DNAJC25: variants seen among roughly 807,000 people sequenced by gnomAD.
DNAJC25 encodes the protein DnaJ heat shock protein family (Hsp40) member C25, also known as dnaJ homolog subfamily C member 25.
Under a neutral mutation model 42.1 loss-of-function variants are expected in DNAJC25, and 26 were observed. The ratio of observed to expected loss-of-function variants is 0.62; its 90% CI spans 0.45 to 0.86. The LOEUF (loss-of-function observed/expected upper bound fraction) is 0.86. Among genes scored for constraint, DNAJC25 ranks in the 40% least tolerant of loss-of-function variants. The pLI is 0.00. For synonymous variants in DNAJC25, 189 were observed against 179.9 expected, an observed-to-expected ratio of 1.05 and a Z score of -0.40; for missense variants, 404 against 459.4, an observed-to-expected ratio of 0.88 and a Z score of 1.10.
chr9:111,647,776 T>G (rs1051433038), intron 2 of DNAJC25, among the ~76,000 whole-genome samples: 1 of 152,178 alleles, frequency 6.6e-6, no homozygotes, highest in African/African-American at 2.4e-5. Flanking sequence ...GCATAGGAAC[T>G]TTCTGTTTTT....
At chr9:111,632,689 CT>C (rs11300589) in intron 1 of DNAJC25, among the ~76,000 whole-genome samples, 75,164 of 146,362 alleles carry the variant, frequency 0.51, 22,020 homozygotes, top group African/African-American at 0.83. Flanking sequence ...CTTTTCTAGC[CT>C]TTTTTTTTTT....
At chr9:111,648,797 C>G (rs2131268831) in intron 2 of DNAJC25, among the ~76,000 whole-genome samples, 1 of 152,238 alleles carries the variant, frequency 6.6e-6, no homozygotes, top group East Asian at 1.9e-4. Flanking sequence ...TTCAGTTAAT[C>G]AGGAGCTGAA....
At chr9:111,649,432 G>T in intron 2 of DNAJC25, 21 bp from the exon 3 acceptor site, 1 of 1,536,834 alleles carries the variant, frequency 6.5e-7, no homozygotes, top group Admixed American at 2.2e-5. Flanking sequence ...ATGACTCATT[G>T]TTCTCTGTTA....
chr9:111,643,293 C>T (rs1830510905), intron 1 of DNAJC25, among the ~76,000 whole-genome samples: 1 of 152,162 alleles, frequency 6.6e-6, no homozygotes, highest in Non-Finnish European at 1.5e-5. Flanking sequence ...AAAGTTCACT[C>T]GTTTTTGAAA....
At position 111,631,420 on chromosome 9, in the gene DNAJC25, C is replaced by G; in HGVS notation, c.13C>G (p.Leu5Val). The part of the protein sequence containing the change: MGAP[L>V]LSPGWGAGAA... The stretch of plus-strand genomic sequence containing the variant: ...AGCGAGGCTGGGGATGGGGGCGCCG[C>G]TGCTCTCTCCCGGCTGGGGAGCCGG... Residue 5 changes from leucine to valine, a missense_variant, in exon 1 of 4, where the codon CTG becomes GTG. Leu to Val is a conservative substitution (Grantham distance 32). Coordinates refer to ENST00000313525, the MANE Select transcript of DNAJC25 (RefSeq NM_001015882.3). 1 of 1,290,164 alleles carries G rather than the reference C, an allele frequency of 7.8e-7. No individual in the cohort carries two copies. Among genetic ancestry groups the G allele is most frequent in the Non-Finnish European group, 9.8e-7 (1 of 1,023,650 alleles). 79.9% of individuals were successfully genotyped at this position (1,290,164 alleles called of 1,614,324 possible).
intron 2 of DNAJC25, among the ~76,000 whole-genome samples, chr9:111,648,420 C>A (rs1397852006): frequency 1.3e-5 from 2 of 149,378 alleles, no homozygotes; most frequent in East Asian, 2.1e-4. Flanking sequence ...TGCCACCACA[C>A]CTGGCTAATT....
intron 3 of DNAJC25, 22 bp from the exon 4 acceptor site, chr9:111,653,078 A>G: frequency 1.3e-6 from 2 of 1,565,338 alleles, no homozygotes; most frequent in Non-Finnish European, 8.7e-7. Flanking sequence ...TTGTGAAGTC[A>G]TCTAGTTATT....
chr9:111,637,982 C>CA (rs1830388481), intron 1 of DNAJC25, among the ~76,000 whole-genome samples: 1 of 152,156 alleles, frequency 6.6e-6, no homozygotes, highest in Admixed American at 6.6e-5. Flanking sequence ...TGATGAAACT[C>CA]AACTGTATCC....
intron 1 of DNAJC25, 141 bp downstream of exon 1, chr9:111,631,884 G>C: frequency 3.6e-6 from 5 of 1,379,856 alleles, no homozygotes; most frequent in Non-Finnish European, 4.7e-6. Flanking sequence ...AGATACTCAC[G>C]TTTCCCACGT....
chr9:111,646,912 A>G (rs1329894569), intron 1 of DNAJC25, 195 bp from the exon 2 acceptor site: 4 of 473,156 alleles, frequency 8.5e-6, no homozygotes, highest in East Asian at 3.6e-5. Flanking sequence ...TTATGCTTTT[A>G]TATCTAACAT....
chr9:111,636,351 G>T (rs1830363098), intron 1 of DNAJC25, among the ~76,000 whole-genome samples: 1 of 152,114 alleles, frequency 6.6e-6, no homozygotes, highest in South Asian at 2.1e-4. Context: ...CAGTTTTATG[G>T]TATTTGTCCC....
Position 111,649,871 on chromosome 9 carries a change from A to T in DNAJC25, c.908A>T (p.His303Leu), listed in dbSNP as rs780008929. 1 of 1,601,340 alleles carries T rather than the reference A, an allele frequency of 6.2e-7. No individual in the cohort carries two copies. Among genetic ancestry groups the T allele is most frequent in the Non-Finnish European group, 8.5e-7 (1 of 1,176,912 alleles). The change falls in exon 3 of 4, where the codon CAT (histidine) becomes CTT (leucine). Residue 303 changes from histidine to leucine, a missense_variant. Physicochemically the swap from His to Leu is moderately conservative, Grantham distance 99. Coordinates refer to ENST00000313525, the MANE Select transcript of DNAJC25 (RefSeq NM_001015882.3). ...TCTCAATTTGATAGTCTAGAAGATC[A>T]TCAGAAAGAAACTTTTCTTAAACGA... ...SKSQFDSLEDHQKETFLKREL... is the reference protein window; with the variant it reads ...SKSQFDSLEDLQKETFLKREL...
At position 111,649,880 on chromosome 9, in the gene DNAJC25, A is replaced by C. The variant is rs370580899; in HGVS notation, c.917A>C (p.Glu306Ala). 133 of 1,598,794 alleles carry C rather than the reference A, an allele frequency of 8.3e-5. 1 individual carries two copies. The South Asian group carries it at 1.5e-3, about 17-fold the overall frequency. ...QFDSLEDHQK[E>A]TFLKRELWIK... Reference sequence around the variant, plus strand: ...GATAGTCTAGAAGATCATCAGAAAGAAACTTTTCTTAAACGAGAGCTCTGG... The same window carrying C: ...GATAGTCTAGAAGATCATCAGAAAGCAACTTTTCTTAAACGAGAGCTCTGG... The change falls in exon 3 of 4, where the codon GAA (glutamate) becomes GCA (alanine). Residue 306 changes from glutamate (E) to alanine (A), a missense_variant. Transcript: ENST00000313525.
intron 1 of DNAJC25, among the ~76,000 whole-genome samples, chr9:111,644,782 C>T (rs555433680): frequency 1.3e-5 from 2 of 152,290 alleles, no homozygotes; most frequent in East Asian, 1.9e-4. Context: ...GGCGCCAAAA[C>T]GGCATTTCTA....
intron 2 of DNAJC25, among the ~76,000 whole-genome samples, chr9:111,647,990 G>A (rs1164332380): frequency 1.3e-5 from 2 of 152,140 alleles, no homozygotes; most frequent in East Asian, 3.9e-4. Context: ...TGTTGGCCAG[G>A]ATGGTCTCAA....
chr9:111,647,019 A>T, intron 1 of DNAJC25, 88 bp from the exon 2 acceptor site: 4 of 1,359,358 alleles, frequency 2.9e-6, no homozygotes, highest in Non-Finnish European at 3.9e-6. Flanking sequence ...TTACATAATT[A>T]TAAAATTCTA....
intron 1 of DNAJC25, among the ~76,000 whole-genome samples, chr9:111,641,799 G>A (rs1463318134): frequency 1.3e-4 from 14 of 109,070 alleles, no homozygotes; most frequent in African/African-American, 3.3e-4. Context: ...CCGTCCGGGA[G>A]GGAGGTGGGG....
intron 1 of DNAJC25, among the ~76,000 whole-genome samples, chr9:111,635,067 T>C (rs761612807): frequency 1.3e-5 from 2 of 152,196 alleles, no homozygotes; most frequent in Non-Finnish European, 2.9e-5. Flanking sequence ...TTTGGGGATT[T>C]AGGGAGTTTA....
intron 1 of DNAJC25, among the ~76,000 whole-genome samples, chr9:111,642,610 T>C: frequency 3.2e-5 from 2 of 62,910 alleles, no homozygotes; most frequent in South Asian, 8.3e-4. Context: ...TATCAATAAA[T>C]AAATAAATAA....
Sources: allele counts gnomAD v4.1 joint callset (sites outside exome capture counted in the v4.1 genomes callset), GRCh38; gene constraint gnomAD v4.1.1; transcripts MANE v1.5; gene names NCBI Gene and HGNC (gene_info 2026-07-23, HGNC 2026-07-21).